The following MYO7B variants were observed in gnomAD, a reference collection of about 807,000 sequenced individuals.
MYO7B encodes myosin VIIB, also known as unconventional myosin-VIIb.
In MYO7B, 212 loss-of-function variants were observed where a neutral mutation model predicts 259.7. The observed-to-expected ratio is 0.82, with a 90% CI of 0.73 to 0.91. The LOEUF (loss-of-function observed/expected upper bound fraction) is 0.91. Among genes scored for constraint, MYO7B ranks in the 40% least tolerant of loss-of-function variants. The probability of loss-of-function intolerance (pLI) is 0.00; values close to 1 mark genes in which losing one functional copy is unlikely to be tolerated. For synonymous variants in MYO7B, 1,197 were observed against 1,166.4 expected (o/e 1.03, Z -0.54); for missense variants, 2,732 against 2,813.5 (o/e 0.97, Z 0.66).
At position 127,622,959 on chromosome 2, in the gene MYO7B, C is replaced by T. The variant is rs150200623; in HGVS notation, c.3646-243C>T. Among the ~76,000 whole-genome samples, 597 of 152,322 alleles carry T rather than the reference C, an allele frequency of 3.9e-3. 2 individuals are homozygous for T. The highest frequency in any genetic ancestry group is 6.2e-3 in the Non-Finnish European group (421 of 68,020). On this transcript the variant is annotated intron_variant, in intron 28 of 47. Transcript: ENST00000409816. ...CACTGGAGGTCCAGGAGGACCTGGACGCCTGTGGCTAACATTGCTCTTGCC... is the reference window on the plus strand; with the variant it reads ...CACTGGAGGTCCAGGAGGACCTGGATGCCTGTGGCTAACATTGCTCTTGCC...
At chr2:127,566,872 C>G (rs749684189) in intron 5 of MYO7B, 45 bp downstream of exon 5, 11 of 1,568,450 alleles carry the variant, frequency 7.0e-6, no homozygotes, top group Non-Finnish European at 9.5e-6. Context: ...TCTCCCTGAA[C>G]TGCTCCCCAC....
intron 18 of MYO7B, among the ~76,000 whole-genome samples, chr2:127,594,809 C>T (rs916749699): frequency 5.3e-5 from 8 of 152,260 alleles, no homozygotes; most frequent in Middle Eastern, 6.8e-3. Context: ...AGTCTTGCAT[C>T]CTGGGGATGA....
At position 127,637,519 on chromosome 2, in the gene MYO7B, C is replaced by T; in HGVS notation, c.*102C>T. 2 of 869,350 alleles carry T rather than the reference C, an allele frequency of 2.3e-6. No homozygotes were observed. The highest frequency in any genetic ancestry group is 2.7e-5 in the East Asian group (1 of 37,036). The allele number at this position is 869,350 out of a possible 1,614,324, so 53.9% of individuals were successfully genotyped here. ...CCAGGGCCTGTCCTTGGCGGGCAGC[C>T]TTCCATGCTGCCCCCCATACAAAGC... is the stretch of plus-strand genomic sequence containing the variant. On this transcript the variant is annotated 3_prime_UTR_variant, in exon 48 of 48. Transcript: ENST00000409816.
chr2:127,629,549 C>A, intron 34 of MYO7B, 96 bp from the exon 35 acceptor site: 1 of 1,254,290 alleles, frequency 8.0e-7, no homozygotes. Flanking sequence ...CACTCTATGC[C>A]TCGGTTTCAT....
chr2:127,583,217 G>T (rs1283037800), intron 12 of MYO7B, among the ~76,000 whole-genome samples: 4 of 152,232 alleles, frequency 2.6e-5, no homozygotes, highest in Admixed American at 6.5e-5. Flanking sequence ...AGGAGCCAGG[G>T]GGCTAGCCTG....
At chr2:127,620,210 C>T in intron 26 of MYO7B, 130 bp from the exon 27 acceptor site, 1 of 1,092,362 alleles carries the variant, frequency 9.2e-7, no homozygotes, top group Non-Finnish European at 1.3e-6. Context: ...CTGGGCAGGG[C>T]CCCGGCGCTG....
At position 127,546,907 on chromosome 2, in the gene MYO7B, C is replaced by A. The variant is rs1693251897; in HGVS notation, c.-24+11076C>A. ...AATCCATCCACCATCCATCTATCCA[C>A]CCACCCACCCATTCACCCACTCATT... On this transcript the variant is annotated intron_variant, in intron 1 of 47. Coordinates refer to ENST00000409816, the MANE Select transcript of MYO7B (RefSeq NM_001393586.1). This position sits in a 1 kb window ranked among gnomAD's most constrained non-coding sequence, Gnocchi z 4.2. 6.6e-6 allele frequency among the ~76,000 whole-genome samples: 1 copy of A among 151,808 alleles called. No individual in the cohort carries two copies. The highest frequency in any genetic ancestry group is 2.4e-5 in the African/African-American group (1 of 41,294).
rs754363282 is a variant in MYO7B at position 127,588,539 on chromosome 2, G to GA, written c.1841dup (p.Asn614LysfsTer11). 6 of 1,613,126 alleles carry GA rather than the reference G, an allele frequency of 3.7e-6. No individual in the cohort carries two copies. The African/African-American group carries it at 8.0e-5, about 22-fold the overall frequency. On this transcript the variant is annotated frameshift_variant, in exon 15 of 48. Transcript: ENST00000409816. LOFTEE classifies it high-confidence loss of function. ...GGGACCATCCGCCAGGCAAAGGCAG[G>GA]AAACCATCTCTTCAAGGTGGGCTCC...
chr2:127,619,169 T>G (rs1680716018), intron 26 of MYO7B, among the ~76,000 whole-genome samples: 2 of 85,532 alleles, frequency 2.3e-5, no homozygotes, highest in Non-Finnish European at 4.5e-5. Context: ...TGGGTTGTGG[T>G]GGCTGGTTGG....
rs556183301 is a variant in MYO7B at position 127,614,402 on chromosome 2, A to T, written c.3398+1799A>T. Among the ~76,000 whole-genome samples the T allele has an allele frequency of 1.3e-5, 2 of 152,268 alleles. No homozygotes were observed. The highest frequency in any genetic ancestry group is 4.8e-5 in the African/African-American group (2 of 41,554). On this transcript the variant is annotated intron_variant, in intron 26 of 47. Transcript: ENST00000409816. The surrounding 1 kb of genome is among the most constrained non-coding windows in gnomAD (Gnocchi z 4.6). ...ACATCTTTTGGTCAGCAGGAAGCTC[A>T]TGCCTGCCCAACCATACAGTACATG...
In MYO7B at chr2:127,628,903, G is replaced by A. The variant is rs1681305754; in HGVS notation, c.4624+368G>A. Reference sequence around the variant, plus strand: ...CCATTATCCCATTTTACAGACGTGAGGCCAGAGGCCCAGAGATGGAAGTAG... The same window carrying A: ...CCATTATCCCATTTTACAGACGTGAAGCCAGAGGCCCAGAGATGGAAGTAG... On this transcript the variant is annotated intron_variant, in intron 34 of 47. Coordinates refer to ENST00000409816, the MANE Select transcript of MYO7B (RefSeq NM_001393586.1). The surrounding 1 kb of genome is among the most constrained non-coding windows in gnomAD (Gnocchi z 4.8). Among the ~76,000 whole-genome samples the A allele has an allele frequency of 2.6e-5, 4 of 152,234 alleles. No homozygotes were observed. The highest frequency in any genetic ancestry group is 2.6e-4 in the Admixed American group (4 of 15,292).
chr2:127,547,804 C>T (rs1220071142), intron 1 of MYO7B, among the ~76,000 whole-genome samples: 1 of 152,142 alleles, frequency 6.6e-6, no homozygotes, highest in Non-Finnish European at 1.5e-5. Context: ...GTCTTTATCT[C>T]ATTTTGGCAT....
chr2:127,607,145 CT>C lies in MYO7B; in HGVS notation c.2425-60del. On this transcript the variant is annotated intron_variant, in intron 20 of 47. Transcript: ENST00000409816. This position sits in a 1 kb window ranked among gnomAD's most constrained non-coding sequence, Gnocchi z 4.4. ...TTGCACTGCCTCCTGGGGAGCACCC[CT>C]CTCTGTTTCCTGGGGAAGGCCTTCT... is the stretch of plus-strand genomic sequence containing the variant. 1 of 1,468,670 alleles carries C rather than the reference CT, an allele frequency of 6.8e-7. No homozygotes were observed. Among genetic ancestry groups the C allele is most frequent in the Non-Finnish European group, 9.2e-7 (1 of 1,091,966 alleles). The allele number at this position is 1,468,670 out of a possible 1,614,324, so 91.0% of individuals were successfully genotyped here. A position where few individuals can be genotyped will look rare whatever the true frequency, so the allele number is the denominator to read the frequency against.
Position 127,616,656 on chromosome 2 carries a change from A to T in MYO7B, c.3399-3684A>T, listed in dbSNP as rs1264443182. ...TGAGTTTGTCTCCTCCAGTTAACGT[A>T]ACGCACTCCGACTGGGAGATCCAAT... On this transcript the variant is annotated intron_variant, in intron 26 of 47. Coordinates refer to ENST00000409816, the MANE Select transcript of MYO7B (RefSeq NM_001393586.1). Among the ~76,000 whole-genome samples, 4 of 152,236 alleles carry T rather than the reference A, an allele frequency of 2.6e-5. No individual in the cohort carries two copies. In the East Asian group the frequency reaches 5.8e-4, roughly 22 times the overall value.
intron 35 of MYO7B, among the ~76,000 whole-genome samples, chr2:127,630,086 T>A (rs1197173440): frequency 6.6e-6 from 1 of 152,202 alleles, no homozygotes; most frequent in Non-Finnish European, 1.5e-5. Flanking sequence ...ACAAACCCAA[T>A]CTTTCTCTGC....
At chr2:127,548,168 C>T (rs111920632) in intron 1 of MYO7B, among the ~76,000 whole-genome samples, 4,468 of 152,162 alleles carry the variant, frequency 0.029, 230 homozygotes, top group African/African-American at 0.1. Flanking sequence ...TCTTTCATTT[C>T]CAATAGTAGT....
chr2:127,568,955 C>T (rs550590487), intron 5 of MYO7B, among the ~76,000 whole-genome samples: 2 of 151,476 alleles, frequency 1.3e-5, no homozygotes, highest in East Asian at 3.9e-4. Context: ...TGCCTGTAAT[C>T]CCAGCACTTT....
At chr2:127,573,470 C>G (rs1024968700) in intron 6 of MYO7B, among the ~76,000 whole-genome samples, 7 of 152,238 alleles carry the variant, frequency 4.6e-5, no homozygotes, top group African/African-American at 1.7e-4. Context: ...CCGGCTTGGC[C>G]TCTCCGTATC....
chr2:127,637,036 G>A, intron 47 of MYO7B, 123 bp downstream of exon 47: 1 of 1,492,176 alleles, frequency 6.7e-7, no homozygotes, highest in African/African-American at 1.4e-5. Flanking sequence ...CCCAGGCGGG[G>A]CCAGCAGATC....
Sources: gnomAD v4.1 joint callset for allele counts (sites outside exome capture counted in the v4.1 genomes callset) on GRCh38, gnomAD v4.1.1 for gene constraint, Gnocchi (gnomAD v3.1) non-coding constraint, MANE v1.5 for transcripts, NCBI Gene and HGNC (gene_info 2026-07-23, HGNC 2026-07-21) for gene names.